The following CTNNA3 variants were observed in gnomAD, a reference collection of about 807,000 sequenced individuals.
CTNNA3 encodes catenin alpha 3, also known as catenin alpha-3.
CTNNA3 carries 76 observed loss-of-function variants against 95.7 expected under a neutral mutation model. The ratio of observed to expected loss-of-function variants is 0.79; its 90% confidence interval spans 0.66 to 0.96. CTNNA3 has a LOEUF of 0.96. CTNNA3 is among the 40% of genes least tolerant of loss of function. The pLI, the probability that CTNNA3 is intolerant of heterozygous loss-of-function variation, is 0.00. For missense variants in CTNNA3, 1,191 were observed against 1,089.8 expected, an observed-to-expected ratio of 1.09 and a Z score of -1.31; for synonymous variants, 431 against 374.4, an observed-to-expected ratio of 1.15 and a Z score of -1.74.
intron 1 of CTNNA3, among the ~76,000 whole-genome samples, chr10:67,727,407 C>T (rs141922601): frequency 0.017 from 2,141 of 128,478 alleles, 67 homozygotes; most frequent in African/African-American, 0.058. Context: ...TAATATGATA[C>T]GTAAGCTGTA....
intron 7 of CTNNA3, among the ~76,000 whole-genome samples, chr10:67,056,147 A>ACTGT (rs1855415715): frequency 6.6e-6 from 1 of 152,162 alleles, no homozygotes; most frequent in African/African-American, 2.4e-5. Context: ...TGAAATACAT[A>ACTGT]CTGTCGCCCA....
chr10:67,222,392 GTGTC>G (rs1450196942), intron 5 of CTNNA3, among the ~76,000 whole-genome samples: 1 of 152,116 alleles, frequency 6.6e-6, no homozygotes, highest in Non-Finnish European at 1.5e-5. Context: ...ATCTCTTTCG[GTGTC>G]TGTCTTTCTA....
intron 7 of CTNNA3, among the ~76,000 whole-genome samples, chr10:66,948,155 T>C (rs1341188172): frequency 1.3e-5 from 2 of 152,196 alleles, no homozygotes; most frequent in African/African-American, 2.4e-5. Flanking sequence ...ATTGTTATTG[T>C]AGTGCATCAC....
At chr10:67,612,865 A>G (rs1424893596) in intron 2 of CTNNA3, among the ~76,000 whole-genome samples, 1 of 152,150 alleles carries the variant, frequency 6.6e-6, no homozygotes, top group Non-Finnish European at 1.5e-5. Context: ...CCAATCTATC[A>G]TTATGAAAAG....
chr10:66,450,881 CT>C (rs1306649878), intron 11 of CTNNA3, among the ~76,000 whole-genome samples: 42 of 152,120 alleles, frequency 2.8e-4, no homozygotes, highest in Admixed American at 1.2e-3. Context: ...ACAAGTCTAA[CT>C]TTTTTGAAGA....
chr10:67,720,746 G>A (rs977353285), intron 1 of CTNNA3, among the ~76,000 whole-genome samples: 3 of 152,102 alleles, frequency 2.0e-5, no homozygotes, highest in Non-Finnish European at 4.4e-5. Flanking sequence ...CTGAGGTCGG[G>A]AGTTCAAGAC....
At chr10:66,676,887 T>C (rs541037387) in intron 9 of CTNNA3, among the ~76,000 whole-genome samples, 1 of 152,198 alleles carries the variant, frequency 6.6e-6, no homozygotes, top group East Asian at 1.9e-4. Flanking sequence ...CATGTCATCT[T>C]AAACAAGTGG....
intron 11 of CTNNA3, among the ~76,000 whole-genome samples, chr10:66,386,776 C>T (rs2092896440): frequency 6.6e-6 from 1 of 151,968 alleles, no homozygotes; most frequent in Admixed American, 6.6e-5. Context: ...AGAACAGAGG[C>T]TCAGAAATAA....
chr10:66,639,047 G>A (rs1372443240), intron 9 of CTNNA3, among the ~76,000 whole-genome samples: 2 of 152,044 alleles, frequency 1.3e-5, no homozygotes, highest in African/African-American at 4.8e-5. Context: ...TTTGGAAATA[G>A]AGTCTGTGAG....
intron 13 of CTNNA3, among the ~76,000 whole-genome samples, chr10:66,129,728 C>A (rs192903130): frequency 1.2e-3 from 183 of 152,152 alleles, no homozygotes; most frequent in African/African-American, 4.3e-3. Context: ...ACCTGATAAG[C>A]AGAGTGCTCC....
intron 9 of CTNNA3, among the ~76,000 whole-genome samples, chr10:66,667,362 T>C (rs913517731): frequency 1.3e-5 from 2 of 152,150 alleles, no homozygotes; most frequent in African/African-American, 4.8e-5. Context: ...CCTATCATCT[T>C]GATTGCTCAT....
intron 7 of CTNNA3, among the ~76,000 whole-genome samples, chr10:66,777,791 A>G (rs1308117672): frequency 1.7e-5 from 2 of 115,826 alleles, no homozygotes; most frequent in Admixed American, 8.5e-5. Flanking sequence ...ACACACACAC[A>G]CACACATGCA....
intron 17 of CTNNA3, among the ~76,000 whole-genome samples, chr10:65,964,999 A>G (rs1435804485): frequency 6.6e-6 from 1 of 152,138 alleles, no homozygotes; most frequent in Non-Finnish European, 1.5e-5. Flanking sequence ...AACAAAATGC[A>G]TTTTTCTCTG....
intron 7 of CTNNA3, among the ~76,000 whole-genome samples, chr10:66,886,918 A>G (rs1845065748): frequency 6.6e-6 from 1 of 152,134 alleles, no homozygotes; most frequent in Admixed American, 6.6e-5. Context: ...CAAACTCCAA[A>G]TCAATCCTGA....
chr10:66,854,528 G>C (rs1239098991), intron 7 of CTNNA3, among the ~76,000 whole-genome samples: 1 of 151,896 alleles, frequency 6.6e-6, no homozygotes, highest in African/African-American at 2.4e-5. Flanking sequence ...GAGAGGTGCA[G>C]ATAAGATATT....
rs142963141 is a variant in CTNNA3 at position 66,939,413 on chromosome 10, A to G, written c.1048-163889T>C. ...TGCCTTCAAACTGAGTTAAAAGGAA[A>G]ATACTAATAGTTTTATCTCTCATGA... On this transcript the variant is annotated intron_variant, in intron 7 of 17. Coordinates refer to ENST00000433211, the MANE Select transcript of CTNNA3 (RefSeq NM_013266.4). Among the ~76,000 whole-genome samples, 16 of 152,334 alleles carry G rather than the reference A, an allele frequency of 1.1e-4. No individual in the cohort carries two copies. The East Asian group carries it at 3.1e-3, about 29-fold the overall frequency.
At chr10:67,009,767 C>G (rs1852212305) in intron 7 of CTNNA3, among the ~76,000 whole-genome samples, 1 of 152,136 alleles carries the variant, frequency 6.6e-6, no homozygotes, top group Admixed American at 6.6e-5. Flanking sequence ...TTACTCCATT[C>G]CTCTGTCACC....
intron 3 of CTNNA3, among the ~76,000 whole-genome samples, chr10:67,591,690 G>A (rs1842792554): frequency 6.6e-6 from 1 of 151,974 alleles, no homozygotes; most frequent in Non-Finnish European, 1.5e-5. Flanking sequence ...AGAGACCTAT[G>A]AGACATGATG....
At chr10:67,321,020 C>T (rs1364106767) in intron 5 of CTNNA3, among the ~76,000 whole-genome samples, 1 of 152,178 alleles carries the variant, frequency 6.6e-6, no homozygotes, top group East Asian at 1.9e-4. Flanking sequence ...TCCTGCTCCA[C>T]CCCACACAAC....
Sources: allele counts gnomAD v4.1 joint callset (sites outside exome capture counted in the v4.1 genomes callset), GRCh38; gene constraint gnomAD v4.1.1; transcripts MANE v1.5; gene names NCBI Gene and HGNC (gene_info 2026-07-23, HGNC 2026-07-21).